CCSER1: variants seen among roughly 807,000 people sequenced by gnomAD.
The protein encoded by CCSER1 is serine-rich coiled-coil domain-containing protein 1.
Under a neutral mutation model 82.0 loss-of-function variants are expected in CCSER1, and 41 were observed. The observed-to-expected ratio is 0.50, with a 90% CI of 0.39 to 0.65. The LOEUF is 0.65. CCSER1 is among the 30% of genes least tolerant of loss of function. The pLI is 0.00. For synonymous variants in CCSER1, 414 were observed against 383.9 expected, an observed-to-expected ratio of 1.08 and a Z score of -0.92; for missense variants, 1,119 against 1,064.2, an observed-to-expected ratio of 1.05 and a Z score of -0.72.
chr4:90,405,260 C>T (rs1274939893), intron 4 of CCSER1, among the ~76,000 whole-genome samples: 1 of 151,960 alleles, frequency 6.6e-6, no homozygotes, highest in African/African-American at 2.4e-5. Context: ...GAAGAAAGAA[C>T]TTCAGAGCTC....
intron 6 of CCSER1, among the ~76,000 whole-genome samples, chr4:90,651,863 C>T (rs1405174836): frequency 1.3e-5 from 2 of 152,090 alleles, no homozygotes; most frequent in African/African-American, 4.8e-5. Flanking sequence ...TTAGCTGTGG[C>T]ACAAACACAA....
At chr4:91,264,646 T>C (rs892653864) in intron 10 of CCSER1, among the ~76,000 whole-genome samples, 1 of 152,078 alleles carries the variant, frequency 6.6e-6, no homozygotes, top group Non-Finnish European at 1.5e-5. Context: ...ACCACTGTTA[T>C]GTGTGGAGAA....
At chr4:91,446,355 C>T (rs1404625625) in intron 10 of CCSER1, among the ~76,000 whole-genome samples, 4 of 151,886 alleles carry the variant, frequency 2.6e-5, no homozygotes, top group Non-Finnish European at 2.9e-5. Flanking sequence ...TTTTGAACTA[C>T]CAAGTTTTCT....
At chr4:91,403,367 C>T (rs556530134) in intron 10 of CCSER1, among the ~76,000 whole-genome samples, 1 of 152,204 alleles carries the variant, frequency 6.6e-6, no homozygotes, top group Non-Finnish European at 1.5e-5. Flanking sequence ...TTCCTCATTG[C>T]TAATGGAATA....
intron 1 of CCSER1, among the ~76,000 whole-genome samples, chr4:90,296,810 C>T (rs1458689728): frequency 3.9e-5 from 6 of 151,972 alleles, no homozygotes; most frequent in Non-Finnish European, 7.4e-5. Flanking sequence ...TGTAGATATG[C>T]GGCATTATTT....
At chr4:91,239,036 G>A (rs1323926493) in intron 10 of CCSER1, among the ~76,000 whole-genome samples, 1 of 151,900 alleles carries the variant, frequency 6.6e-6, no homozygotes, top group African/African-American at 2.4e-5. Flanking sequence ...ACTTTAGCCA[G>A]GATGGTCTCG....
rs937870128 is a variant in CCSER1, at chr4:90,815,691, G to C, written c.2011-71G>C. The C allele has an allele frequency of 6.7e-6, 7 of 1,038,940 alleles. No homozygotes were observed. In the African/African-American group the frequency reaches 8.0e-5, roughly 12 times the overall value. 64.4% of individuals were successfully genotyped at this position (1,038,940 alleles called of 1,614,324 possible). A position where few individuals can be genotyped will look rare whatever the true frequency, so the allele number is the denominator to read the frequency against. Reference sequence around the variant, plus strand: ...ATGCAATTATCTCCCACTGTGTGAAGCTGACTTTCCTTATCAAGAGCAAAG... The same window carrying C: ...ATGCAATTATCTCCCACTGTGTGAACCTGACTTTCCTTATCAAGAGCAAAG... On this transcript the variant is annotated intron_variant, in intron 7 of 10. Transcript: ENST00000509176.
intron 5 of CCSER1, among the ~76,000 whole-genome samples, chr4:90,579,931 CTCTTA>C (rs1420691671): frequency 6.6e-6 from 1 of 151,836 alleles, no homozygotes; most frequent in Non-Finnish European, 1.5e-5. Context: ...TGTAGCTATT[CTCTTA>C]TCTTTTTTGG....
intron 1 of CCSER1, among the ~76,000 whole-genome samples, chr4:90,185,983 G>C (rs1435082181): frequency 6.6e-6 from 1 of 151,956 alleles, no homozygotes; most frequent in Non-Finnish European, 1.5e-5. Flanking sequence ...GCCACATTAG[G>C]TTCCTCACAA....
chr4:90,365,488 C>T (rs72659493), intron 3 of CCSER1, among the ~76,000 whole-genome samples: 1,520 of 151,800 alleles, frequency 0.01, 15 homozygotes, highest in Middle Eastern at 0.041. Flanking sequence ...TTAAGGAATT[C>T]GTGATAATTT....
At chr4:90,540,961 C>T (rs187663315) in intron 5 of CCSER1, among the ~76,000 whole-genome samples, 2 of 152,182 alleles carry the variant, frequency 1.3e-5, no homozygotes, top group East Asian at 1.9e-4. Context: ...TGAAATACTC[C>T]TCTCTTTATT....
In CCSER1 at chr4:91,293,519, A is replaced by G. The variant is rs1342799479; in HGVS notation, c.2217+207525A>G. 2.0e-5 allele frequency among the ~76,000 whole-genome samples: 3 copies of G among 152,012 alleles called. No individual in the cohort carries two copies. The East Asian group carries it at 5.8e-4, about 29-fold the overall frequency. On this transcript the variant is annotated intron_variant, in intron 10 of 10. Transcript: ENST00000509176. ...TTTGTTTACCACTGCTTTTGTTTCA[A>G]TTGACATGGGAAAGGAAAATAAATC...
chr4:90,614,374 C>G (rs976069621), intron 5 of CCSER1, among the ~76,000 whole-genome samples: 2 of 152,122 alleles, frequency 1.3e-5, no homozygotes, highest in African/African-American at 4.8e-5. Flanking sequence ...TCACATTTCT[C>G]TAAATTTACG....
At chr4:91,270,021 A>C (rs1741901943) in intron 10 of CCSER1, among the ~76,000 whole-genome samples, 1 of 152,186 alleles carries the variant, frequency 6.6e-6, no homozygotes. Context: ...TAAAAATCAA[A>C]GTGTGATTAT....
chr4:90,873,448 T>C (rs1766816731), intron 8 of CCSER1, among the ~76,000 whole-genome samples: 1 of 152,110 alleles, frequency 6.6e-6, no homozygotes, highest in Admixed American at 6.6e-5. Flanking sequence ...GGAACCATCA[T>C]TGGAGGGTTC....
At chr4:90,615,319 A>G (rs1433329972) in intron 5 of CCSER1, among the ~76,000 whole-genome samples, 2 of 152,164 alleles carry the variant, frequency 1.3e-5, no homozygotes, top group Non-Finnish European at 2.9e-5. Flanking sequence ...AAGTCTTCAT[A>G]TTTAAGAAAT....
chr4:91,193,719 T>A (rs1735182777), intron 10 of CCSER1, among the ~76,000 whole-genome samples: 1 of 152,208 alleles, frequency 6.6e-6, no homozygotes, highest in Admixed American at 6.5e-5. Flanking sequence ...TATTTTAAAC[T>A]CTATGTCATT....
In CCSER1 at chr4:90,391,504, A is replaced by AATATATATATATATATATATATAT. The variant is rs70963065; in HGVS notation, c.1510-8528_1510-8505dup. On this transcript the variant is annotated intron_variant, in intron 3 of 10. Transcript: ENST00000509176. Reference sequence around the variant, plus strand: ...TATATATACACACACACAGTGGGTAAATATATATATATATATATATATATA... The same window carrying AATATATATATATATATATATATAT: ...TATATATACACACACACAGTGGGTAAATATATATATATATATATATATATATATATATATATATATATATATATA... 3.7e-4 allele frequency among the ~76,000 whole-genome samples: 29 copies of AATATATATATATATATATATATAT among 79,406 alleles called. 1 individual carries two copies. The highest frequency in any genetic ancestry group is 5.0e-4 in the Non-Finnish European group (21 of 42,258). 52.1% of individuals were successfully genotyped at this position (79,406 alleles called of 152,430 possible). A position where few individuals can be genotyped will look rare whatever the true frequency, so the allele number is the denominator to read the frequency against.
intron 1 of CCSER1, among the ~76,000 whole-genome samples, chr4:90,243,062 C>T (rs865942377): frequency 7.9e-6 from 1 of 127,016 alleles, no homozygotes; most frequent in South Asian, 2.6e-4. Flanking sequence ...CTCTCTCTCT[C>T]TTTTTTTTTT....
Sources: allele counts gnomAD v4.1 joint callset (sites outside exome capture counted in the v4.1 genomes callset), GRCh38; gene constraint gnomAD v4.1.1; transcripts MANE v1.5; gene names NCBI Gene and HGNC (gene_info 2026-07-23, HGNC 2026-07-21).